DEPDC4: variants seen among roughly 807,000 people sequenced by gnomAD.
DEPDC4 encodes the protein DEP domain containing 4.
In DEPDC4, 52 loss-of-function variants were observed where a neutral mutation model predicts 52.0. That is an observed-to-expected ratio of 1.00 (90% CI 0.80 to 1.26). The LOEUF (loss-of-function observed/expected upper bound fraction) is 1.26. Ranked by LOEUF, DEPDC4 falls within the 50% of genes most tolerant of loss-of-function variation. The pLI is 0.00. For missense variants in DEPDC4, 530 were observed against 546.9 expected (o/e 0.97, Z 0.31); for synonymous variants, 201 against 196.8 (o/e 1.02, Z -0.18).
the DEPDC4 span, among the ~76,000 whole-genome samples, chr12:100,274,596 T>C: frequency 6.6e-6 from 1 of 152,184 alleles, no homozygotes; most frequent in Non-Finnish European, 1.5e-5. Flanking sequence ...TCTCATAGAA[T>C]TAAATCTACA....
Position 100,240,468 on chromosome 12 carries a change from A to G in DEPDC4, c.*1424T>C, listed in dbSNP as rs559968478. On this transcript the variant is annotated 3_prime_UTR_variant, in exon 10 of 10. Transcript: ENST00000550587. ...AGGCATGGGCCACCAAGGTTGGCCC[A>G]TAAGAATTTTTCTGTGTAAAACTTC... Among the ~76,000 whole-genome samples the G allele has an allele frequency of 5.3e-5, 8 of 152,336 alleles. No homozygotes were observed. Among genetic ancestry groups the G allele is most frequent in the East Asian group, 3.9e-4 (2 of 5,184 alleles).
chr12:100,245,416 A>C (rs1566311141), intron 8 of DEPDC4, among the ~76,000 whole-genome samples: 1 of 151,900 alleles, frequency 6.6e-6, no homozygotes, highest in Non-Finnish European at 1.5e-5. Flanking sequence ...ACAGGCACCC[A>C]CCACCATGCT....
upstream of DEPDC4, among the ~76,000 whole-genome samples, chr12:100,271,895 A>G (rs1324762126): frequency 6.6e-6 from 1 of 152,204 alleles, no homozygotes; most frequent in Non-Finnish European, 1.5e-5. Context: ...ATATAATTTT[A>G]CCTGTTACAT....
rs2096157685 is a variant in DEPDC4, at chr12:100,241,311, G to A, written c.*581C>T. 1.3e-5 allele frequency among the ~76,000 whole-genome samples: 2 copies of A among 151,600 alleles called. No individual in the cohort carries two copies. Among genetic ancestry groups the A allele is most frequent in the African/African-American group, 4.9e-5 (2 of 40,928 alleles). On this transcript the variant is annotated 3_prime_UTR_variant, in exon 10 of 10. Transcript: ENST00000550587. ...TTTAGCAGCATAATTAAGTGAATCA[G>A]CAAACATGAAGGCTAACTTGTATTC...
At chr12:100,270,861 C>T (rs543677439), upstream of DEPDC4, among the ~76,000 whole-genome samples, 1 of 151,322 alleles carries the variant, frequency 6.6e-6, no homozygotes, top group South Asian at 2.1e-4. Context: ...TCTTGTTTCT[C>T]CCCCTGCATT....
chr12:100,252,054 A>C (rs1592885661), intron 7 of DEPDC4, 122 bp downstream of exon 7: 1 of 914,164 alleles, frequency 1.1e-6, no homozygotes, highest in Admixed American at 5.7e-5. Flanking sequence ...GGGAGTCAGC[A>C]TTTCTTCAAA....
chr12:100,271,994 C>G (rs12303368), upstream of DEPDC4, among the ~76,000 whole-genome samples: 766 of 152,266 alleles, frequency 5.0e-3, 12 homozygotes, highest in African/African-American at 0.017. Flanking sequence ...CTGTAATACT[C>G]ATCCTACTTT....
At chr12:100,244,658 C>T (rs930836216) in intron 8 of DEPDC4, among the ~76,000 whole-genome samples, 2 of 151,226 alleles carry the variant, frequency 1.3e-5, no homozygotes, top group African/African-American at 4.9e-5. Context: ...GATGGGTTCT[C>T]ACTATGTTGC....
At position 100,262,879 on chromosome 12, in the gene DEPDC4, A is replaced by C. The variant is rs560667385; in HGVS notation, c.555-470T>G. On this transcript the variant is annotated intron_variant, in intron 2 of 9. Coordinates refer to ENST00000550587, the MANE Select transcript of DEPDC4 (RefSeq NM_001364818.2). ...CAAAATGTTGTAAAGGAAAAGGAAT[A>C]ATATATATTTTTGGTTACAGCAACA... Among the ~76,000 whole-genome samples the C allele has an allele frequency of 2.0e-5, 3 of 152,348 alleles. No individual in the cohort carries two copies. In the South Asian group the frequency reaches 6.2e-4, roughly 32 times the overall value.
At chr12:100,263,373 T>C (rs1447387839) in intron 2 of DEPDC4, 124 bp downstream of exon 2, 7 of 797,966 alleles carry the variant, frequency 8.8e-6, no homozygotes, top group Non-Finnish European at 1.3e-5. Context: ...AGTGGATTAA[T>C]TTTCACATGG....
intron 7 of DEPDC4, among the ~76,000 whole-genome samples, chr12:100,250,420 A>G (rs2096202932): frequency 6.6e-6 from 1 of 152,058 alleles, no homozygotes; most frequent in Non-Finnish European, 1.5e-5. Context: ...GGGTTTCACC[A>G]TGTTGGCCAG....
the DEPDC4 span, among the ~76,000 whole-genome samples, chr12:100,277,315 TC>T: frequency 9.2e-5 from 14 of 152,252 alleles, no homozygotes; most frequent in Non-Finnish European, 1.6e-4. Flanking sequence ...TACTGATTTT[TC>T]TCTCTGCTTC....
chr12:100,266,512 C>G (rs894007700), intron 1 of DEPDC4, among the ~76,000 whole-genome samples: 17 of 152,144 alleles, frequency 1.1e-4, no homozygotes, highest in African/African-American at 4.1e-4. Context: ...AGAAATAACT[C>G]CTCTAGCTCA....
chr12:100,257,712 G>A (rs1325284071), intron 3 of DEPDC4: 2 of 152,272 alleles, frequency 1.3e-5, no homozygotes, highest in African/African-American at 4.8e-5. Flanking sequence ...GTGAAGCAGT[G>A]GAAGTGGAGA....
At chr12:100,244,711 C>T (rs1346793035) in intron 8 of DEPDC4, among the ~76,000 whole-genome samples, 2 of 151,570 alleles carry the variant, frequency 1.3e-5, no homozygotes, top group Non-Finnish European at 2.9e-5. Context: ...ATCCTCCTGC[C>T]TCAGCCTCCC....
chr12:100,254,319 C>CTTTTTTTTTTTTT (rs67921438), intron 4 of DEPDC4, among the ~76,000 whole-genome samples: 9 of 89,436 alleles, frequency 1.0e-4, no homozygotes, highest in African/African-American at 1.6e-4. Context: ...TTTTTTTTGA[C>CTTTTTTTTTTTTT]TTTTTTTTTT....
chr12:100,256,495 A>G (rs1022171957), intron 3 of DEPDC4, among the ~76,000 whole-genome samples: 1 of 152,134 alleles, frequency 6.6e-6, no homozygotes, highest in South Asian at 2.1e-4. Context: ...TAAGGCCAAC[A>G]TTAATTCTAA....
chr12:100,250,568 G>A (rs541049108), intron 7 of DEPDC4, among the ~76,000 whole-genome samples: 3 of 152,214 alleles, frequency 2.0e-5, no homozygotes, highest in African/African-American at 7.2e-5. Flanking sequence ...CATGAAGGGG[G>A]AGGTAGAAAG....
intron 8 of DEPDC4, among the ~76,000 whole-genome samples, chr12:100,245,079 C>T (rs1490334426): frequency 5.9e-5 from 9 of 151,404 alleles, no homozygotes; most frequent in African/African-American, 2.2e-4. Context: ...ACTATGTTGG[C>T]CAGGCTGGTC....
Sources: allele counts gnomAD v4.1 joint callset (sites outside exome capture counted in the v4.1 genomes callset), GRCh38; gene constraint gnomAD v4.1.1; transcripts MANE v1.5; gene names NCBI Gene and HGNC (gene_info 2026-07-23, HGNC 2026-07-21).